Variants in ZFHX4 observed in about 807,000 individuals in gnomAD.
The protein encoded by ZFHX4 is zinc finger homeobox 4.
Under a neutral mutation model 267.6 loss-of-function variants are expected in ZFHX4, and 56 were observed. The ratio of observed to expected loss-of-function variants is 0.21; its 90% CI spans 0.17 to 0.26. ZFHX4 has a LOEUF of 0.26. ZFHX4 is among the 10% of genes least tolerant of loss of function. ZFHX4 has a pLI of 1.00. For missense variants in ZFHX4, 4,332 were observed against 4,420.0 expected (o/e 0.98, Z 0.56); for synonymous variants, 1,778 against 1,665.6 (o/e 1.07, Z -1.64).
At chr8:76,809,455 A>G (rs1419890006) in intron 4 of ZFHX4, among the ~76,000 whole-genome samples, 1 of 152,208 alleles carries the variant, frequency 6.6e-6, no homozygotes, top group Non-Finnish European at 1.5e-5. Context: ...ATTTAAAAGA[A>G]TACAAATTGT....
intron 1 of ZFHX4, among the ~76,000 whole-genome samples, chr8:76,699,963 G>T (rs575242130): frequency 1.3e-5 from 2 of 151,828 alleles, no homozygotes; most frequent in Admixed American, 6.6e-5. Flanking sequence ...TCATTGCTTT[G>T]TCAGGATTAG....
At chr8:76,862,784 CA>C (rs1812904121) in intron 10 of ZFHX4, among the ~76,000 whole-genome samples, 2 of 152,264 alleles carry the variant, frequency 1.3e-5, no homozygotes, top group South Asian at 4.1e-4. Context: ...CACTATAGTT[CA>C]CGATGATGTT....
In ZFHX4 at chr8:76,864,190, C is replaced by G. The variant is rs374392781; in HGVS notation, c.10476C>G (p.His3492Gln). The G allele has an allele frequency of 2.5e-6, 4 of 1,613,942 alleles. No individual in the cohort carries two copies. The highest frequency in any genetic ancestry group is 3.4e-6 in the Non-Finnish European group (4 of 1,179,856). Residue 3492 changes from histidine to glutamine, a missense_variant, in exon 11 of 11, where the codon CAC becomes CAG. Physicochemically the swap from His to Gln is conservative, Grantham distance 24 (BLOSUM62 0). Around this residue, in one of 7 missense-constraint regions of ZFHX4, gnomAD observed 1,648 missense variants for 1,625.0 expected, o/e 1.01. Coordinates refer to ENST00000651372, the MANE Select transcript of ZFHX4 (RefSeq NM_024721.5). Reference sequence around the variant, plus strand: ...AAGAGCATGTTAGATTATTACCTCACTCAGTCTGCTCCCCTAATCCTAACA... The same window carrying G: ...AAGAGCATGTTAGATTATTACCTCAGTCAGTCTGCTCCCCTAATCCTAACA... Reference protein sequence around the residue: ...NAKEHVRLLPHSVCSPNPNTT... With the variant: ...NAKEHVRLLPQSVCSPNPNTT...
At chr8:76,857,839 ATT>A (rs5892569) in intron 10 of ZFHX4, among the ~76,000 whole-genome samples, 80 of 142,536 alleles carry the variant, frequency 5.6e-4, no homozygotes, top group Non-Finnish European at 6.0e-4. Context: ...GCAATGACAG[ATT>A]TTTTTTTTTT....
intron 3 of ZFHX4, among the ~76,000 whole-genome samples, chr8:76,745,625 G>T (rs73231775): frequency 0.015 from 2,258 of 151,972 alleles, 68 homozygotes; most frequent in African/African-American, 0.05. Context: ...CCTAAAGATG[G>T]TGATTTCAGT....
At position 76,732,302 on chromosome 8, in the gene ZFHX4, G is replaced by T. The variant is rs995673717; in HGVS notation, c.3093+24254G>T. 2.0e-5 allele frequency among the ~76,000 whole-genome samples: 3 copies of T among 152,170 alleles called. No individual in the cohort carries two copies. In the South Asian group the frequency reaches 6.2e-4, roughly 32 times the overall value. On this transcript the variant is annotated intron_variant, in intron 3 of 10. Coordinates refer to ENST00000651372, the MANE Select transcript of ZFHX4 (RefSeq NM_024721.5). ...TAGCAGGTTAATAAAGGCATATTCA[G>T]GTAAAAGTAACTATTTTTCAAAATT...
chr8:76,730,032 G>A (rs548648502), intron 3 of ZFHX4, among the ~76,000 whole-genome samples: 17 of 152,162 alleles, frequency 1.1e-4, no homozygotes, highest in Non-Finnish European at 1.8e-4. Context: ...GGAGAACTTG[G>A]TGTTTGTTTG....
chr8:76,823,232 C>T (rs916187736), intron 4 of ZFHX4, among the ~76,000 whole-genome samples: 2 of 151,600 alleles, frequency 1.3e-5, no homozygotes, highest in East Asian at 1.9e-4. Context: ...CTGCTTAAAA[C>T]CCCCCATGCT....
chr8:76,763,810 AT>A (rs1487837165), intron 3 of ZFHX4, among the ~76,000 whole-genome samples: 2 of 152,210 alleles, frequency 1.3e-5, no homozygotes, highest in African/African-American at 4.8e-5. Context: ...CTTAAAATGT[AT>A]ATCCAATTAC....
In ZFHX4 at chr8:76,707,608, TCCCTCCTTA is replaced by T. The variant is rs758609888; in HGVS notation, c.2655_2663del (p.Leu886_Thr888del). On this transcript the variant is annotated inframe_deletion, in exon 3 of 11. Coordinates refer to ENST00000651372, the MANE Select transcript of ZFHX4 (RefSeq NM_024721.5). Reference sequence around the variant, plus strand: ...TGGTCAGCTAATGGGTGATGACCTGTCCCTCCTTACTGCAGGAGAGCTGTCACCTTATAT... The same window carrying T: ...TGGTCAGCTAATGGGTGATGACCTGTCTGCAGGAGAGCTGTCACCTTATAT... 4 of 1,613,680 alleles carry T rather than the reference TCCCTCCTTA, an allele frequency of 2.5e-6. No homozygotes were observed. In the East Asian group the frequency reaches 6.7e-5, roughly 27 times the overall value.
intron 3 of ZFHX4, among the ~76,000 whole-genome samples, chr8:76,752,147 G>C (rs1370719071): frequency 1.3e-5 from 2 of 152,118 alleles, no homozygotes; most frequent in Non-Finnish European, 2.9e-5. Flanking sequence ...CGGGACATCA[G>C]AATTCAGTTT....
chr8:76,778,601 T>A (rs1238675278), intron 4 of ZFHX4, among the ~76,000 whole-genome samples, 162 bp downstream of exon 4: 2 of 152,184 alleles, frequency 1.3e-5, no homozygotes, highest in Non-Finnish European at 2.9e-5. Flanking sequence ...ATGAACATGT[T>A]GTTCCCATTA....
chr8:76,781,474 G>A (rs1215822982), intron 4 of ZFHX4, among the ~76,000 whole-genome samples: 2 of 151,960 alleles, frequency 1.3e-5, no homozygotes, highest in Non-Finnish European at 2.9e-5. Context: ...CATCAACTTG[G>A]TGAAAAAATT....
In ZFHX4 at chr8:76,709,249, C is replaced by T. The variant is rs1379922363; in HGVS notation, c.3093+1201C>T. ...AAATGTACTGTGCATAAAATCCTAA[C>T]GACTCAGTGTGAGAATTTGTAGCAC... On this transcript the variant is annotated intron_variant, in intron 3 of 10. Transcript: ENST00000651372. Among the ~76,000 whole-genome samples, 13 of 152,120 alleles carry T rather than the reference C, an allele frequency of 8.5e-5. 1 individual carries two copies. The South Asian group carries it at 1.7e-3, about 19-fold the overall frequency.
At chr8:76,752,485 TCCAAAA>T (rs1174957242) in intron 3 of ZFHX4, among the ~76,000 whole-genome samples, 9 of 23,928 alleles carry the variant, frequency 3.8e-4, no homozygotes, top group East Asian at 1.4e-3. Context: ...CTACCAAAAA[TCCAAAA>T]AAAAAAAAAA....
At chr8:76,720,961 G>A (rs948085307) in intron 3 of ZFHX4, among the ~76,000 whole-genome samples, 3 of 152,118 alleles carry the variant, frequency 2.0e-5, no homozygotes, top group Admixed American at 6.6e-5. Context: ...CAGCACCCAC[G>A]TTGTTAAATA....
chr8:76,692,118 G>A (rs1277507761), intron 1 of ZFHX4, among the ~76,000 whole-genome samples: 2 of 151,806 alleles, frequency 1.3e-5, no homozygotes, highest in Admixed American at 6.6e-5. Flanking sequence ...GGGGCTTCTG[G>A]GTATTTAATG....
At chr8:76,785,179 G>T (rs930394065) in intron 4 of ZFHX4, among the ~76,000 whole-genome samples, 11 of 152,026 alleles carry the variant, frequency 7.2e-5, no homozygotes, top group African/African-American at 2.7e-4. Flanking sequence ...CTATAATGAA[G>T]AAAATTGTAA....
At chr8:76,825,438 G>T (rs377739557) in intron 4 of ZFHX4, among the ~76,000 whole-genome samples, 3 of 152,320 alleles carry the variant, frequency 2.0e-5, no homozygotes, top group South Asian at 2.1e-4. Flanking sequence ...TTTCTTCCTT[G>T]CTCGAAGAGC....
Sources: allele counts gnomAD v4.1 joint callset (sites outside exome capture counted in the v4.1 genomes callset), GRCh38; gene constraint gnomAD v4.1.1; regional missense constraint gnomAD v4.1.1; transcripts MANE v1.5; gene names NCBI Gene and HGNC (gene_info 2026-07-23, HGNC 2026-07-21).